The following NCOA1 variants were observed in gnomAD, a reference collection of about 807,000 sequenced individuals.
NCOA1 encodes nuclear receptor coactivator 1.
NCOA1 carries 35 observed loss-of-function variants against 150.9 expected under a neutral mutation model. That is an observed-to-expected ratio of 0.23 (90% CI 0.18 to 0.31). NCOA1 has a LOEUF of 0.31. Ranked by LOEUF, NCOA1 falls within the 10% of genes least tolerant of loss-of-function variation. The pLI is 1.00. For synonymous variants in NCOA1, 590 were observed against 630.0 expected (o/e 0.94, Z 0.95); for missense variants, 1,491 against 1,749.3 (o/e 0.85, Z 2.63).
rs529872430 is a variant in NCOA1, at chr2:24,691,250, A to G, written c.533-231A>G. Among the ~76,000 whole-genome samples the G allele has an allele frequency of 5.9e-5, 9 of 152,302 alleles. No individual in the cohort carries two copies. In the South Asian group the frequency reaches 1.7e-3, roughly 28 times the overall value. The stretch of plus-strand genomic sequence containing the variant: ...TTTGATTATAGTATTTGAGGGGAAG[A>G]TCATACGTATTTTCTTGGAAATGTT... On this transcript the variant is annotated intron_variant, in intron 8 of 22. Transcript: ENST00000348332.
intron 3 of NCOA1, among the ~76,000 whole-genome samples, chr2:24,614,228 TTTTG>T (rs1668771039): frequency 8.0e-6 from 1 of 124,682 alleles, no homozygotes; most frequent in African/African-American, 2.9e-5. Flanking sequence ...TTTTTTTTTT[TTTTG>T]CTATGGGGTT....
chr2:24,685,657 C>A (rs569362901), intron 8 of NCOA1, among the ~76,000 whole-genome samples: 1 of 152,272 alleles, frequency 6.6e-6, no homozygotes, highest in African/African-American at 2.4e-5. Context: ...TTGAACAAGA[C>A]ACTTGACCCC....
intron 3 of NCOA1, among the ~76,000 whole-genome samples, chr2:24,615,600 A>G (rs922355324): frequency 6.6e-6 from 1 of 152,140 alleles, no homozygotes; most frequent in Non-Finnish European, 1.5e-5. Context: ...GCTGACTGTC[A>G]ATGTTGAGAA....
At chr2:24,516,955 A>ATATATGT (rs1558758490) in intron 1 of NCOA1, among the ~76,000 whole-genome samples, 1 of 70,078 alleles carries the variant, frequency 1.4e-5, no homozygotes, top group African/African-American at 4.5e-5. Context: ...TATATATACA[A>ATATATGT]GTATATATAC....
At chr2:24,735,528 A>G (rs745308989) in intron 17 of NCOA1, among the ~76,000 whole-genome samples, 1 of 151,750 alleles carries the variant, frequency 6.6e-6, no homozygotes, top group Non-Finnish European at 1.5e-5. Flanking sequence ...TGTTGAAAAA[A>G]TATATATATA....
intron 7 of NCOA1, among the ~76,000 whole-genome samples, chr2:24,677,985 G>C (rs991104219): frequency 3.9e-5 from 6 of 151,946 alleles, no homozygotes; most frequent in African/African-American, 1.5e-4. Flanking sequence ...CCATCACCTA[G>C]GTATTAAGCC....
At chr2:24,615,778 C>T (rs1391452193) in intron 3 of NCOA1, among the ~76,000 whole-genome samples, 1 of 152,032 alleles carries the variant, frequency 6.6e-6, no homozygotes, top group Non-Finnish European at 1.5e-5. Context: ...GGTTACTCAG[C>T]CAAACCATTG....
intron 20 of NCOA1, among the ~76,000 whole-genome samples, chr2:24,755,628 G>A (rs12617941): frequency 0.074 from 11,332 of 152,252 alleles, 516 homozygotes; most frequent in African/African-American, 0.12. Flanking sequence ...GGTGTCAGTG[G>A]ACCCAGACGT....
chr2:24,646,800 A>C (rs768535195), intron 4 of NCOA1, among the ~76,000 whole-genome samples: 1 of 151,660 alleles, frequency 6.6e-6, no homozygotes, highest in Non-Finnish European at 1.5e-5. Flanking sequence ...AAATCTAGAA[A>C]CTAGAATCAC....
At chr2:24,677,939 A>G (rs184933094) in intron 7 of NCOA1, among the ~76,000 whole-genome samples, 84 of 152,148 alleles carry the variant, frequency 5.5e-4, no homozygotes, top group Non-Finnish European at 1.1e-3. Context: ...TTACATAGCT[A>G]AATGTGTGCC....
chr2:24,524,699 C>T (rs1171186627), intron 1 of NCOA1, among the ~76,000 whole-genome samples: 1 of 152,130 alleles, frequency 6.6e-6, no homozygotes, highest in Non-Finnish European at 1.5e-5. Context: ...CCTCCACCTC[C>T]CGGGTTCAAG....
At chr2:24,749,125 G>A (rs1172077420) in intron 19 of NCOA1, among the ~76,000 whole-genome samples, 1 of 152,032 alleles carries the variant, frequency 6.6e-6, no homozygotes, top group East Asian at 1.9e-4. Context: ...ATCTACTTTG[G>A]GCCAGTAGAG....
chr2:24,576,821 G>T (rs938030774), intron 2 of NCOA1, among the ~76,000 whole-genome samples: 41 of 152,188 alleles, frequency 2.7e-4, no homozygotes, highest in Non-Finnish European at 1.5e-5. Context: ...ATAAACAGAT[G>T]ATTTCACTTC....
At chr2:24,755,877 G>A (rs1251672214) in intron 20 of NCOA1, among the ~76,000 whole-genome samples, 1 of 152,134 alleles carries the variant, frequency 6.6e-6, no homozygotes, top group Non-Finnish European at 1.5e-5. Context: ...CTCCTCCGCA[G>A]TGGTGACTTA....
At chr2:24,604,434 T>C (rs55945424) in intron 3 of NCOA1, among the ~76,000 whole-genome samples, 8,539 of 152,300 alleles carry the variant, frequency 0.056, 322 homozygotes, top group Non-Finnish European at 0.08. Flanking sequence ...TTCATCTACA[T>C]TGAAATCTGC....
rs1441537224 is a variant in NCOA1, at chr2:24,729,605, T to C, written c.2991T>C (p.Ser997=). 4 of 1,614,022 alleles carry C rather than the reference T, an allele frequency of 2.5e-6. No individual in the cohort carries two copies. The highest frequency in any genetic ancestry group is 3.4e-6 in the Non-Finnish European group (4 of 1,180,020). The change falls in exon 17 of 23, where the codon TCT becomes TCC. Residue 997 remains serine (S), a synonymous_variant. Coordinates refer to ENST00000348332, the MANE Select transcript of NCOA1 (RefSeq NM_003743.5). ...ACCTTTATTCCCAGCCTTACTCTTC[T>C]CCTTCTCCTACTGCCAATCTCCCTA... is the stretch of plus-strand genomic sequence containing the variant. ...RPNLYSQPYS[S]PSPTANLPSP... is the part of the protein sequence containing the mutation.
intron 1 of NCOA1, among the ~76,000 whole-genome samples, chr2:24,528,949 C>T (rs1247292041): frequency 1.3e-5 from 2 of 151,912 alleles, no homozygotes. Context: ...TGCAGTGGCG[C>T]CATATTGGCT....
chr2:24,682,834 G>A (rs56054917), intron 7 of NCOA1, 117 bp from the exon 8 acceptor site: 1 of 793,008 alleles, frequency 1.3e-6, no homozygotes, highest in Non-Finnish European at 1.9e-6. Flanking sequence ...ATTTCCTTGA[G>A]GACAGAGACC....
At chr2:24,610,155 GTC>G (rs1668557880) in intron 3 of NCOA1, among the ~76,000 whole-genome samples, 2 of 125,014 alleles carry the variant, frequency 1.6e-5, no homozygotes, top group Admixed American at 8.8e-5. Context: ...TTGAGACAGA[GTC>G]TCTGTCGCTC....
Sources: allele counts gnomAD v4.1 joint callset (sites outside exome capture counted in the v4.1 genomes callset), GRCh38; gene constraint gnomAD v4.1.1; transcripts MANE v1.5; gene names NCBI Gene and HGNC (gene_info 2026-07-23, HGNC 2026-07-21).